The following ST18 variants were observed in gnomAD, a reference collection of about 807,000 sequenced individuals.
ST18 encodes the protein suppression of tumorigenicity 18 protein.
ST18 carries 50 observed loss-of-function variants against 110.0 expected under a neutral mutation model. That is an observed-to-expected ratio of 0.45 (90% confidence interval 0.36 to 0.58). The LOEUF (loss-of-function observed/expected upper bound fraction) is 0.58, where lower values mean the gene tolerates loss of function less well. Among genes scored for constraint, ST18 ranks in the 20% least tolerant of loss-of-function variants. The pLI, the probability that ST18 is intolerant of heterozygous loss-of-function variation, is 0.00. For synonymous variants in ST18, 461 were observed against 452.4 expected (o/e 1.02, Z -0.24); for missense variants, 1,306 against 1,280.1 (o/e 1.02, Z -0.31).
At chr8:52,219,113 C>G (rs1158068485) in intron 5 of ST18, among the ~76,000 whole-genome samples, 1 of 152,118 alleles carries the variant, frequency 6.6e-6, no homozygotes. Context: ...AGTGCCCTTT[C>G]TTTTGATGAT....
intron 2 of ST18, among the ~76,000 whole-genome samples, chr8:52,292,886 C>T (rs370952251): frequency 2.0e-5 from 3 of 152,246 alleles, no homozygotes; most frequent in Admixed American, 6.5e-5. Context: ...GAAGGGAAAC[C>T]TCAGATATGG....
At chr8:52,121,126 G>A (rs776139134) in intron 23 of ST18, among the ~76,000 whole-genome samples, 1 of 152,146 alleles carries the variant, frequency 6.6e-6, no homozygotes, top group African/African-American at 2.4e-5. Context: ...CTGAGTTCTT[G>A]GTTCTGGGAT....
intron 8 of ST18, among the ~76,000 whole-genome samples, chr8:52,191,624 A>C (rs1190595308): frequency 6.6e-6 from 1 of 152,174 alleles, no homozygotes; most frequent in Non-Finnish European, 1.5e-5. Context: ...TACATGGTTC[A>C]CCTCAGCATC....
chr8:52,316,996 C>T (rs1276595850), intron 2 of ST18, among the ~76,000 whole-genome samples: 1 of 152,176 alleles, frequency 6.6e-6, no homozygotes, highest in Non-Finnish European at 1.5e-5. Context: ...CAATGTTTAT[C>T]ATGAGTCTTA....
chr8:52,211,555 C>T (rs750976098), intron 8 of ST18, among the ~76,000 whole-genome samples: 14 of 152,008 alleles, frequency 9.2e-5, no homozygotes, highest in East Asian at 3.9e-4. Context: ...TATAGGCACA[C>T]GCCACCATGC....
At chr8:52,187,800 T>C (rs1356022860) in intron 8 of ST18, among the ~76,000 whole-genome samples, 1 of 152,216 alleles carries the variant, frequency 6.6e-6, no homozygotes, top group Admixed American at 6.5e-5. Context: ...AATTACCCAA[T>C]ACATAAATTA....
At chr8:52,142,530 T>C (rs1359486116) in intron 17 of ST18, among the ~76,000 whole-genome samples, 1 of 152,150 alleles carries the variant, frequency 6.6e-6, no homozygotes, top group Non-Finnish European at 1.5e-5. Context: ...TGCCTTCGGG[T>C]ACCCTGCTCT....
chr8:52,233,757 C>T (rs995573171), intron 2 of ST18, among the ~76,000 whole-genome samples: 4 of 152,190 alleles, frequency 2.6e-5, no homozygotes, highest in South Asian at 2.1e-4. Context: ...AACAGTGTCT[C>T]ATTAGCTGTG....
intron 8 of ST18, among the ~76,000 whole-genome samples, chr8:52,197,765 C>T (rs1339667618): frequency 6.6e-6 from 1 of 152,018 alleles, no homozygotes; most frequent in South Asian, 2.1e-4. Context: ...GCACATGTCA[C>T]AGTTACATAG....
At chr8:52,224,861 C>T (rs745673773) in intron 3 of ST18, among the ~76,000 whole-genome samples, 5 of 152,182 alleles carry the variant, frequency 3.3e-5, no homozygotes, top group Non-Finnish European at 5.9e-5. Flanking sequence ...TGTCAATGCA[C>T]ACAATTTCCA....
Position 52,226,252 on chromosome 8 carries a change from A to G in ST18, c.-419+3780T>C, listed in dbSNP as rs560836960. On this transcript the variant is annotated intron_variant, in intron 3 of 25. Coordinates refer to ENST00000689386, the MANE Select transcript of ST18 (RefSeq NM_001352837.2). ...CGTTGACCATGAATAGTAAAGTTAT[A>G]TCTAAGATTGCATGACTCGTCACAC... 3.9e-5 allele frequency among the ~76,000 whole-genome samples: 6 copies of G among 152,314 alleles called. No individual in the cohort carries two copies. The South Asian group carries it at 1.0e-3, about 26-fold the overall frequency.
intron 2 of ST18, among the ~76,000 whole-genome samples, chr8:52,314,249 GGAGTGGCATT>G (rs2095980592): frequency 2.0e-5 from 3 of 152,214 alleles, no homozygotes; most frequent in African/African-American, 7.2e-5. Flanking sequence ...AAGTGGTCAT[GGAGTGGCATT>G]GCCTCCAGGC....
At chr8:52,250,445 CAAA>C (rs1159770176) in intron 2 of ST18, among the ~76,000 whole-genome samples, 3 of 4,272 alleles carry the variant, frequency 7.0e-4, no homozygotes, top group African/African-American at 3.0e-3. Context: ...GCCTCAAAGG[CAAA>C]AAAAAAAAAA....
chr8:52,234,578 C>A (rs1271145635), intron 2 of ST18, among the ~76,000 whole-genome samples: 1 of 152,084 alleles, frequency 6.6e-6, no homozygotes, highest in Non-Finnish European at 1.5e-5. Flanking sequence ...ATACAGCAAC[C>A]CCACTACTGG....
intron 2 of ST18, among the ~76,000 whole-genome samples, chr8:52,344,424 G>A (rs1325095497): frequency 1.3e-5 from 2 of 150,852 alleles, no homozygotes; most frequent in African/African-American, 2.4e-5. Flanking sequence ...TTTTGAAATG[G>A]AGTTTCACTG....
chr8:52,173,244 G>A (rs1259675589), intron 9 of ST18, among the ~76,000 whole-genome samples: 1 of 152,196 alleles, frequency 6.6e-6, no homozygotes, highest in Non-Finnish European at 1.5e-5. Context: ...AAATTAGCAT[G>A]ATCAAATCAT....
chr8:52,258,688 G>C (rs1187100040), intron 2 of ST18, among the ~76,000 whole-genome samples: 1 of 152,080 alleles, frequency 6.6e-6, no homozygotes, highest in Non-Finnish European at 1.5e-5. Context: ...AAATACTTTT[G>C]CTACTTCCTT....
chr8:52,163,931 G>T, intron 13 of ST18, 55 bp downstream of exon 13: 2 of 1,386,446 alleles, frequency 1.4e-6, no homozygotes, highest in Non-Finnish European at 2.0e-6. Context: ...CAGAGGCCCC[G>T]CTGTGCAGGA....
At chr8:52,384,013 G>A (rs1263400506) in intron 2 of ST18, among the ~76,000 whole-genome samples, 1 of 152,146 alleles carries the variant, frequency 6.6e-6, no homozygotes, top group Non-Finnish European at 1.5e-5. Context: ...TGGGATTACA[G>A]GACTTTTAAA....
Sources: allele counts gnomAD v4.1 joint callset (sites outside exome capture counted in the v4.1 genomes callset), GRCh38; gene constraint gnomAD v4.1.1; transcripts MANE v1.5; gene names NCBI Gene and HGNC (gene_info 2026-07-23, HGNC 2026-07-21).